VWDE: variants seen among roughly 807,000 people sequenced by gnomAD.
VWDE encodes von Willebrand factor D and EGF domain-containing protein.
Under a neutral mutation model 178.4 loss-of-function variants are expected in VWDE, and 207 were observed. The ratio of observed to expected loss-of-function variants is 1.16; its 90% CI spans 1.04 to 1.30. The LOEUF (loss-of-function observed/expected upper bound fraction) is 1.30. Among genes scored for constraint, VWDE ranks in the 50% most tolerant of loss-of-function variants. The pLI, the probability that VWDE is intolerant of heterozygous loss-of-function variation, is 0.00. For missense variants in VWDE, 2,287 were observed against 1,901.3 expected (o/e 1.20, Z -3.77); for synonymous variants, 738 against 651.4 (o/e 1.13, Z -2.02).
intron 9 of VWDE, 52 bp from the exon 10 acceptor site, chr7:12,373,299 T>C (rs1583321338): frequency 6.6e-7 from 1 of 1,511,988 alleles, no homozygotes; most frequent in Non-Finnish European, 8.9e-7. Flanking sequence ...AATATCACAA[T>C]AGTATGTTAT....
chr7:12,351,187 C>T (rs200901681), intron 19 of VWDE, among the ~76,000 whole-genome samples: 3 of 152,050 alleles, frequency 2.0e-5, no homozygotes, highest in East Asian at 1.9e-4. Flanking sequence ...CAAATGAGGG[C>T]TATTAAGAAA....
intron 19 of VWDE, among the ~76,000 whole-genome samples, chr7:12,345,124 A>C (rs1174194337): frequency 6.6e-6 from 1 of 152,110 alleles, no homozygotes; most frequent in Non-Finnish European, 1.5e-5. Flanking sequence ...GGAACACAGA[A>C]AGTACTCAAA....
chr7:12,391,576 T>A (rs1009415191), intron 2 of VWDE, among the ~76,000 whole-genome samples: 6 of 152,226 alleles, frequency 3.9e-5, no homozygotes, highest in African/African-American at 1.4e-4. Context: ...TTCCTCCAAT[T>A]TTCTCAAGCT....
chr7:12,385,289 T>C (rs1784045869), intron 3 of VWDE, among the ~76,000 whole-genome samples: 1 of 152,150 alleles, frequency 6.6e-6, no homozygotes, highest in Admixed American at 6.6e-5. Flanking sequence ...TTATGACTCC[T>C]AGCTAGATAG....
chr7:12,379,427 A>G, intron 6 of VWDE, 50 bp downstream of exon 6: 1 of 1,373,084 alleles, frequency 7.3e-7, no homozygotes. Flanking sequence ...AGTTTGGGAA[A>G]CATAGTTCCA....
intron 4 of VWDE, 151 bp downstream of exon 4, chr7:12,383,385 C>G: frequency 1.6e-6 from 1 of 633,050 alleles, no homozygotes; most frequent in Non-Finnish European, 2.7e-6. Context: ...CTTAAAGGCA[C>G]GATAAAGTTA....
chr7:12,387,014 G>C (rs1356672413), intron 3 of VWDE, among the ~76,000 whole-genome samples: 3 of 151,914 alleles, frequency 2.0e-5, no homozygotes, highest in Non-Finnish European at 2.9e-5. Context: ...TTATTATTTT[G>C]ATCTTATTAT....
At chr7:12,345,069 GTGGA>G (rs1781529581) in intron 19 of VWDE, among the ~76,000 whole-genome samples, 1 of 152,090 alleles carries the variant, frequency 6.6e-6, no homozygotes, top group Non-Finnish European at 1.5e-5. Context: ...TGGGGTTCAT[GTGGA>G]TAATATGACA....
At position 12,361,537 on chromosome 7, in the gene VWDE, G is replaced by GA. The variant is rs762423633; in HGVS notation, c.2899-17dup. On this transcript the variant is annotated splice_polypyrimidine_tract_variant and intron_variant, in intron 13 of 28. Coordinates refer to ENST00000275358, the MANE Select transcript of VWDE (RefSeq NM_001135924.3). ...TGCTATTATACTGAAGACATAGTGAGAAAAAAATTAACCTCTGTTAAATTA... is the reference window on the plus strand; with the variant it reads ...TGCTATTATACTGAAGACATAGTGAGAAAAAAAATTAACCTCTGTTAAATTA... The GA allele has an allele frequency of 3.0e-5, 45 of 1,490,146 alleles. No homozygotes were observed. Among genetic ancestry groups the GA allele is most frequent in the Non-Finnish European group, 3.9e-5 (44 of 1,118,614 alleles). 92.3% of individuals were successfully genotyped at this position (1,490,146 alleles called of 1,614,324 possible).
intron 21 of VWDE, among the ~76,000 whole-genome samples, chr7:12,343,990 A>T (rs1173062462): frequency 6.6e-6 from 1 of 152,072 alleles, no homozygotes; most frequent in Non-Finnish European, 1.5e-5. Context: ...TGCCCCTTGA[A>T]TCTCTGATTT....
intron 5 of VWDE, 119 bp from the exon 6 acceptor site, chr7:12,379,685 G>A: frequency 3.4e-6 from 2 of 594,760 alleles, no homozygotes; most frequent in Non-Finnish European, 5.3e-6. Context: ...GATAATAAAA[G>A]AATTAAATAA....
chr7:12,366,304 G>A (rs574844581), intron 13 of VWDE, among the ~76,000 whole-genome samples: 1 of 152,182 alleles, frequency 6.6e-6, no homozygotes, highest in African/African-American at 2.4e-5. Context: ...GCAGGAAGTG[G>A]CAGGTAGTAT....
chr7:12,340,464 A>G (rs1252155809), intron 23 of VWDE, 47 bp from the exon 24 acceptor site: 2 of 1,417,628 alleles, frequency 1.4e-6, no homozygotes, highest in African/African-American at 2.9e-5. Context: ...TTTATTATTT[A>G]AAAAATGAAA....
intron 4 of VWDE, among the ~76,000 whole-genome samples, chr7:12,382,649 A>ACCT (rs909591873): frequency 6.6e-5 from 10 of 151,882 alleles, no homozygotes; most frequent in African/African-American, 2.4e-4. Flanking sequence ...CATATAAAAC[A>ACCT]CCTCTGTTAA....
At chr7:12,337,893 A>T (rs1347031395) in intron 24 of VWDE, among the ~76,000 whole-genome samples, 3 of 152,114 alleles carry the variant, frequency 2.0e-5, no homozygotes, top group Non-Finnish European at 4.4e-5. Flanking sequence ...GTTAATATGT[A>T]TTAATTTTAT....
Position 12,340,304 on chromosome 7 carries a change from C to A in VWDE, c.4366+18G>T. 2 of 1,535,482 alleles carry A rather than the reference C, an allele frequency of 1.3e-6. No individual in the cohort carries two copies. Among genetic ancestry groups the A allele is most frequent in the Non-Finnish European group, 1.8e-6 (2 of 1,134,222 alleles). On this transcript the variant is annotated intron_variant, in intron 24 of 28. Coordinates refer to ENST00000275358, the MANE Select transcript of VWDE (RefSeq NM_001135924.3). ...ACTTTCCATTTGCCCTTTTTACATA[C>A]AAAGAAAGAATAATTACCATTCTGA...
At chr7:12,395,999 A>C (rs1014850103) in intron 1 of VWDE, among the ~76,000 whole-genome samples, 8 of 152,218 alleles carry the variant, frequency 5.3e-5, no homozygotes, top group African/African-American at 1.4e-4. Context: ...GTAGATATAA[A>C]ATATACATTA....
chr7:12,382,641 T>C (rs1240213656), intron 4 of VWDE, among the ~76,000 whole-genome samples: 3 of 151,922 alleles, frequency 2.0e-5, no homozygotes, highest in Non-Finnish European at 4.4e-5. Context: ...TGTTCCACCA[T>C]ATAAAACACC....
At chr7:12,365,725 T>C (rs1353574585) in intron 13 of VWDE, among the ~76,000 whole-genome samples, 1 of 151,998 alleles carries the variant, frequency 6.6e-6, no homozygotes, top group Non-Finnish European at 1.5e-5. Flanking sequence ...ACTGGAGGTA[T>C]GAATTAAAGG....
Sources: allele counts gnomAD v4.1 joint callset (sites outside exome capture counted in the v4.1 genomes callset), GRCh38; gene constraint gnomAD v4.1.1; transcripts MANE v1.5; gene names NCBI Gene and HGNC (gene_info 2026-07-23, HGNC 2026-07-21).